The following HPCAL1 variants were observed in gnomAD, a reference collection of about 807,000 sequenced individuals.
HPCAL1 encodes hippocalcin like 1.
HPCAL1 carries 8 observed loss-of-function variants against 17.1 expected under a neutral mutation model. The observed-to-expected ratio is 0.47, with a 90% CI of 0.27 to 0.84. HPCAL1 has a LOEUF of 0.84. Among genes scored for constraint, HPCAL1 ranks in the 40% least tolerant of loss-of-function variants. HPCAL1 has a pLI of 0.13. For missense variants in HPCAL1, 165 were observed against 271.1 expected (o/e 0.61, Z 2.75); for synonymous variants, 112 against 111.4 (o/e 1.01, Z -0.03).
intron 1 of HPCAL1, among the ~76,000 whole-genome samples, chr2:10,326,534 C>T (rs562158924): frequency 2.0e-5 from 3 of 152,302 alleles, no homozygotes; most frequent in South Asian, 2.1e-4. Flanking sequence ...GCCTGCCTTC[C>T]GCTTCCGTGC....
rs1010479947 is a variant in HPCAL1 at position 10,304,862 on chromosome 2, G to A, written c.-111+1685G>A. Among the ~76,000 whole-genome samples, 2 of 152,188 alleles carry A rather than the reference G, an allele frequency of 1.3e-5. No homozygotes were observed. The highest frequency in any genetic ancestry group is 4.8e-5 in the African/African-American group (2 of 41,454). On this transcript the variant is annotated intron_variant, in intron 1 of 4. Coordinates refer to ENST00000307845, the MANE Select transcript of HPCAL1 (RefSeq NM_002149.4). The surrounding 1 kb of genome is among the most constrained non-coding windows in gnomAD (Gnocchi z 4.1). Reference sequence around the variant, plus strand: ...CTCTCAAAATGGAGCGCCGGCATGGGGTTGGGCTGCGGAGGGGACAGCATG... The same window carrying A: ...CTCTCAAAATGGAGCGCCGGCATGGAGTTGGGCTGCGGAGGGGACAGCATG...
At chr2:10,381,599 G>A (rs13034882) in intron 1 of HPCAL1, among the ~76,000 whole-genome samples, 47,965 of 149,364 alleles carry the variant, frequency 0.32, 8,122 homozygotes, top group Non-Finnish European at 0.38. Flanking sequence ...CGCCGCCAGA[G>A]CATCATGTCA....
At position 10,331,815 on chromosome 2, in the gene HPCAL1, G is replaced by C. The variant is rs1018056411; in HGVS notation, c.-111+28638G>C. ...CCAATCCTGTGGTGGCCCCAGCTGGGCTTGCTGCCTGTGTGTGGTGAGGGT... is the reference window on the plus strand; with the variant it reads ...CCAATCCTGTGGTGGCCCCAGCTGGCCTTGCTGCCTGTGTGTGGTGAGGGT... On this transcript the variant is annotated intron_variant, in intron 1 of 4. Transcript: ENST00000307845. The surrounding 1 kb of genome is among the most constrained non-coding windows in gnomAD (Gnocchi z 5.0). Among the ~76,000 whole-genome samples the C allele has an allele frequency of 2.6e-5, 4 of 152,252 alleles. No homozygotes were observed. The highest frequency in any genetic ancestry group is 2.1e-4 in the South Asian group (1 of 4,828).
intron 1 of HPCAL1, among the ~76,000 whole-genome samples, chr2:10,338,363 A>T (rs1396854866): frequency 6.6e-6 from 1 of 152,092 alleles, no homozygotes; most frequent in Non-Finnish European, 1.5e-5. Flanking sequence ...AACATAAGAG[A>T]ATGGGGTGTG....
intron 1 of HPCAL1, among the ~76,000 whole-genome samples, chr2:10,369,744 G>T (rs1335812976): frequency 1.3e-5 from 2 of 152,202 alleles, no homozygotes; most frequent in African/African-American, 4.8e-5. Flanking sequence ...CTGTCACCAG[G>T]TCCTTATTAA....
intron 1 of HPCAL1, among the ~76,000 whole-genome samples, chr2:10,366,618 C>G (rs908916806): frequency 3.2e-4 from 49 of 152,314 alleles, no homozygotes; most frequent in African/African-American, 1.1e-3. Context: ...TGTCTGGCAT[C>G]AGGAGACTCA....
Position 10,332,330 on chromosome 2 carries a change from T to C in HPCAL1, c.-111+29153T>C, listed in dbSNP as rs1400346296. On this transcript the variant is annotated intron_variant, in intron 1 of 4. Transcript: ENST00000307845. Reference sequence around the variant, plus strand: ...CTTCATTTGAGTTGCATCATGATGTTCTCCTTTTTTCAAAGTTCCATCTGC... The same window carrying C: ...CTTCATTTGAGTTGCATCATGATGTCCTCCTTTTTTCAAAGTTCCATCTGC... Among the ~76,000 whole-genome samples the C allele has an allele frequency of 2.0e-5, 3 of 152,170 alleles. No homozygotes were observed. In the East Asian group the frequency reaches 5.8e-4, roughly 29 times the overall value.
Position 10,394,596 on chromosome 2 carries a change from GC to G in HPCAL1, c.-110-2236del, listed in dbSNP as rs1332048643. Among the ~76,000 whole-genome samples, 1 of 152,140 alleles carries G rather than the reference GC, an allele frequency of 6.6e-6. No individual in the cohort carries two copies. The highest frequency in any genetic ancestry group is 1.9e-4 in the East Asian group (1 of 5,162). ...CACGTTTGTCAAAGCCCACGGAGTGGCCCACGCCAAGAGGGAACCCTAACGT... is the reference window on the plus strand; with the variant it reads ...CACGTTTGTCAAAGCCCACGGAGTGGCCACGCCAAGAGGGAACCCTAACGT... On this transcript the variant is annotated intron_variant, in intron 1 of 4. Transcript: ENST00000307845. This position sits in a 1 kb window ranked among gnomAD's most constrained non-coding sequence, Gnocchi z 5.0.
chr2:10,381,000 A>G (rs6721270), intron 1 of HPCAL1, among the ~76,000 whole-genome samples: 46,451 of 152,176 alleles, frequency 0.31, 7,874 homozygotes, highest in Non-Finnish European at 0.38. Context: ...CCACCCTGAT[A>G]AGAAAGTTCA....
In HPCAL1 at chr2:10,427,328, T is replaced by C. The variant is rs1208669110; in HGVS notation, c.*507T>C. On this transcript the variant is annotated 3_prime_UTR_variant, in exon 5 of 5. Transcript: ENST00000307845. ...TACTGTGGTCCCCTTTCTTTTAATATATAAATTATGTATGGTGAAGTGGAG... is the reference window on the plus strand; with the variant it reads ...TACTGTGGTCCCCTTTCTTTTAATACATAAATTATGTATGGTGAAGTGGAG... 1 of 157,178 alleles carries C rather than the reference T, an allele frequency of 6.4e-6. No individual in the cohort carries two copies. Among genetic ancestry groups the C allele is most frequent in the Non-Finnish European group, 1.4e-5 (1 of 71,244 alleles). 9.7% of individuals were successfully genotyped at this position (157,178 alleles called of 1,614,324 possible).
At chr2:10,351,445 T>C (rs1005672268) in intron 1 of HPCAL1, among the ~76,000 whole-genome samples, 1 of 152,000 alleles carries the variant, frequency 6.6e-6, no homozygotes, top group Non-Finnish European at 1.5e-5. Context: ...AATGGGTACA[T>C]GGTTTCTTTT....
intron 1 of HPCAL1, among the ~76,000 whole-genome samples, chr2:10,352,267 C>T (rs540366469): frequency 3.4e-4 from 51 of 152,226 alleles, no homozygotes; most frequent in African/African-American, 1.2e-3. Context: ...ACTCACCTTC[C>T]CTCTCCCCAT....
At chr2:10,397,281 A>G (rs2125576802) in intron 2 of HPCAL1, among the ~76,000 whole-genome samples, 1 of 152,204 alleles carries the variant, frequency 6.6e-6, no homozygotes, top group African/African-American at 2.4e-5. Flanking sequence ...GAGGGCAAGG[A>G]GGGCACTGTC....
chr2:10,418,383 G>A (rs146811775), intron 2 of HPCAL1, among the ~76,000 whole-genome samples: 3,400 of 142,006 alleles, frequency 0.024, 125 homozygotes, highest in African/African-American at 0.086. Context: ...GCAGTGAGCC[G>A]AGATCACACC....
At chr2:10,303,987 T>A in intron 1 of HPCAL1, 1 of 150,304 alleles carries the variant, frequency 6.7e-6, no homozygotes, top group Non-Finnish European at 1.5e-5. Flanking sequence ...TTTAAAATCC[T>A]TTTTTTTTCC....
At chr2:10,411,990 G>A (rs902708724) in intron 2 of HPCAL1, among the ~76,000 whole-genome samples, 5 of 152,162 alleles carry the variant, frequency 3.3e-5, no homozygotes, top group African/African-American at 1.2e-4. Context: ...GGGTGGGGGT[G>A]GTTACCTGAC....
intron 1 of HPCAL1, among the ~76,000 whole-genome samples, chr2:10,372,346 GC>G (rs1667270296): frequency 6.6e-6 from 1 of 152,194 alleles, no homozygotes; most frequent in Admixed American, 6.5e-5. Context: ...CCCACTCCAT[GC>G]CTTCTGTCAA....
chr2:10,368,890 C>T (rs964913380), intron 1 of HPCAL1: 3 of 152,230 alleles, frequency 2.0e-5, no homozygotes, highest in Non-Finnish European at 4.4e-5. Flanking sequence ...TTGATTGTAT[C>T]TGTTGGAAGT....
At chr2:10,389,412 T>C (rs1386605339) in intron 1 of HPCAL1, among the ~76,000 whole-genome samples, 1 of 152,196 alleles carries the variant, frequency 6.6e-6, no homozygotes, top group East Asian at 1.9e-4. Flanking sequence ...ACCCTTGAAT[T>C]CTTTCCTGAG....
Sources: allele counts gnomAD v4.1 joint callset (sites outside exome capture counted in the v4.1 genomes callset), GRCh38; gene constraint gnomAD v4.1.1; non-coding constraint Gnocchi (gnomAD v3.1); transcripts MANE v1.5; gene names NCBI Gene and HGNC (gene_info 2026-07-23, HGNC 2026-07-21).